Variants in ZNF385B observed in about 807,000 individuals in gnomAD.
ZNF385B encodes the protein zinc finger protein 385B, also known as zinc finger protein 533.
A neutral mutation model predicts 39.2 loss-of-function variants in ZNF385B; 23 were observed. That is an observed-to-expected ratio of 0.59 (90% CI 0.42 to 0.83). The LOEUF is 0.83. Ranked by LOEUF, ZNF385B falls within the 40% of genes least tolerant of loss-of-function variation. ZNF385B has a pLI of 0.00. For synonymous variants in ZNF385B, 205 were observed against 222.6 expected, an observed-to-expected ratio of 0.92 and a Z score of 0.70; for missense variants, 552 against 598.9, an observed-to-expected ratio of 0.92 and a Z score of 0.82.
At chr2:179,594,765 C>A (rs1279719918) in intron 3 of ZNF385B, among the ~76,000 whole-genome samples, 6 of 151,584 alleles carry the variant, frequency 4.0e-5, no homozygotes, top group Non-Finnish European at 7.4e-5. Context: ...ACCATGATAC[C>A]AAGCCATTGT....
chr2:179,829,142 A>T, intron 1 of ZNF385B, among the ~76,000 whole-genome samples: 1 of 152,166 alleles, frequency 6.6e-6, no homozygotes, highest in Non-Finnish European at 1.5e-5. Flanking sequence ...TCTTTCCAAA[A>T]CGTCCCAAAA....
intron 3 of ZNF385B, among the ~76,000 whole-genome samples, chr2:179,748,997 A>T (rs562334625): frequency 1.3e-5 from 2 of 152,236 alleles, no homozygotes; most frequent in East Asian, 3.9e-4. Context: ...ACACAATCAC[A>T]AAGTCATTTT....
chr2:179,799,928 A>C (rs1705923231), intron 1 of ZNF385B, among the ~76,000 whole-genome samples: 1 of 152,122 alleles, frequency 6.6e-6, no homozygotes, highest in Non-Finnish European at 1.5e-5. Context: ...GAACTCAGTT[A>C]TAAATATCTG....
chr2:179,692,478 T>C (rs988617308), intron 3 of ZNF385B, among the ~76,000 whole-genome samples: 1 of 152,162 alleles, frequency 6.6e-6, no homozygotes, highest in South Asian at 2.1e-4. Flanking sequence ...GTATCCCTTA[T>C]AGATAATCTT....
Position 179,442,924 on chromosome 2 carries a change from A to G in ZNF385B, c.*326T>C, listed in dbSNP as rs2049089567. 5.1e-6 allele frequency: 2 copies of G among 396,004 alleles called. No homozygotes were observed. The highest frequency in any genetic ancestry group is 4.8e-5 in the South Asian group (2 of 41,412). 24.5% of individuals were successfully genotyped at this position (396,004 alleles called of 1,614,324 possible). ...AGCCAGATCATACCCATGGAAAAAT[A>G]GAGAATGGTTTTCTTTCTTTTTCTT... On this transcript the variant is annotated 3_prime_UTR_variant, in exon 10 of 10. Coordinates refer to ENST00000410066, the MANE Select transcript of ZNF385B (RefSeq NM_152520.6).
chr2:179,842,195 C>T (rs1449020421), intron 1 of ZNF385B, among the ~76,000 whole-genome samples: 1 of 151,848 alleles, frequency 6.6e-6, no homozygotes, highest in Non-Finnish European at 1.5e-5. Context: ...TATAAACACC[C>T]CTGGGATTAG....
chr2:179,671,611 G>A (rs1260381051), intron 3 of ZNF385B, among the ~76,000 whole-genome samples: 2 of 152,144 alleles, frequency 1.3e-5, no homozygotes, highest in East Asian at 3.9e-4. Context: ...CTCATCATAG[G>A]CACACAGTAG....
chr2:179,480,069 A>T (rs1307242275), intron 6 of ZNF385B, among the ~76,000 whole-genome samples: 1 of 152,206 alleles, frequency 6.6e-6, no homozygotes, highest in Non-Finnish European at 1.5e-5. Context: ...AAGCCTATGG[A>T]TGTTGTGAGT....
chr2:179,857,784 G>C (rs1684720096), intron 1 of ZNF385B, among the ~76,000 whole-genome samples: 2 of 152,164 alleles, frequency 1.3e-5, no homozygotes, highest in South Asian at 4.1e-4. Context: ...TACACATGGT[G>C]CTTTTAAAAT....
At chr2:179,811,275 G>A (rs927644103) in intron 1 of ZNF385B, among the ~76,000 whole-genome samples, 2 of 151,938 alleles carry the variant, frequency 1.3e-5, no homozygotes, top group Non-Finnish European at 2.9e-5. Context: ...CCCACTACCA[G>A]CATCATTTTT....
At chr2:179,710,300 G>A (rs1290652938) in intron 3 of ZNF385B, among the ~76,000 whole-genome samples, 18 of 152,118 alleles carry the variant, frequency 1.2e-4, no homozygotes, top group Admixed American at 8.5e-4. Flanking sequence ...GGGACTCAAG[G>A]AAACCTCTAT....
At chr2:179,530,274 T>C (rs936752571) in intron 4 of ZNF385B, among the ~76,000 whole-genome samples, 3 of 152,134 alleles carry the variant, frequency 2.0e-5, no homozygotes, top group Non-Finnish European at 4.4e-5. Flanking sequence ...TTTTATAAAA[T>C]AGGATTCTTT....
In ZNF385B at chr2:179,446,781, C is replaced by T; in HGVS notation, c.716-11G>A. ...ACTTCCCTTTATCTTCTAAGAGAAACACAGAGAGATCTTATTGAAGCCTCA... is the reference window on the plus strand; with the variant it reads ...ACTTCCCTTTATCTTCTAAGAGAAATACAGAGAGATCTTATTGAAGCCTCA... On this transcript the variant is annotated splice_polypyrimidine_tract_variant and intron_variant, in intron 6 of 9. Coordinates refer to ENST00000410066, the MANE Select transcript of ZNF385B (RefSeq NM_152520.6). 4 of 1,599,376 alleles carry T rather than the reference C, an allele frequency of 2.5e-6. No individual in the cohort carries two copies. The highest frequency in any genetic ancestry group is 3.4e-6 in the Non-Finnish European group (4 of 1,174,884).
intron 3 of ZNF385B, among the ~76,000 whole-genome samples, chr2:179,578,991 G>T (rs1285618218): frequency 6.6e-6 from 1 of 152,050 alleles, no homozygotes; most frequent in Non-Finnish European, 1.5e-5. Flanking sequence ...GGAATGATGT[G>T]CAAAACAAAT....
chr2:179,771,023 A>G (rs1443333653), intron 1 of ZNF385B, among the ~76,000 whole-genome samples: 1 of 152,194 alleles, frequency 6.6e-6, no homozygotes, highest in Non-Finnish European at 1.5e-5. Context: ...CCAAAAAGAA[A>G]GGGGAGGGGA....
intron 3 of ZNF385B, among the ~76,000 whole-genome samples, chr2:179,606,522 T>C (rs1558972341): frequency 1.3e-5 from 2 of 152,072 alleles, no homozygotes; most frequent in African/African-American, 2.4e-5. Flanking sequence ...CTTTAGGTTG[T>C]GGGTGCTGTG....
intron 1 of ZNF385B, among the ~76,000 whole-genome samples, chr2:179,775,703 G>C (rs928649733): frequency 2.6e-5 from 4 of 152,146 alleles, no homozygotes; most frequent in Non-Finnish European, 5.9e-5. Flanking sequence ...GAGGCACACT[G>C]CTTCTTTATT....
At chr2:179,821,431 AAAAT>A (rs1427711473) in intron 1 of ZNF385B, among the ~76,000 whole-genome samples, 5 of 152,210 alleles carry the variant, frequency 3.3e-5, no homozygotes, top group African/African-American at 1.2e-4. Flanking sequence ...AGCTGCAGAG[AAAAT>A]AAATAAAGCC....
intron 3 of ZNF385B, among the ~76,000 whole-genome samples, chr2:179,755,653 T>G (rs967879414): frequency 3.3e-5 from 5 of 152,322 alleles, no homozygotes; most frequent in Non-Finnish European, 7.4e-5. Flanking sequence ...GAGTTAGCTC[T>G]TCTTGTTGAA....
Sources: gnomAD v4.1 joint callset for allele counts (sites outside exome capture counted in the v4.1 genomes callset) on GRCh38, gnomAD v4.1.1 for gene constraint, MANE v1.5 for transcripts, NCBI Gene and HGNC (gene_info 2026-07-23, HGNC 2026-07-21) for gene names.